Variants in ASIC2 observed in about 807,000 individuals in gnomAD.
The protein encoded by ASIC2 is acid sensing ion channel subunit 2.
Under a neutral mutation model 57.3 loss-of-function variants are expected in ASIC2, and 25 were observed. That is an observed-to-expected ratio of 0.44 (90% CI 0.32 to 0.61). The LOEUF is 0.61. Ranked by LOEUF, ASIC2 falls within the 20% of genes least tolerant of loss-of-function variation. The probability of loss-of-function intolerance (pLI) is 0.06; values close to 1 mark genes in which losing one functional copy is unlikely to be tolerated. For synonymous variants in ASIC2, 319 were observed against 307.5 expected (o/e 1.04, Z -0.39); for missense variants, 641 against 738.1 (o/e 0.87, Z 1.52).
intron 1 of ASIC2, among the ~76,000 whole-genome samples, chr17:33,705,964 T>G (rs989957): frequency 2.0e-5 from 3 of 151,830 alleles, no homozygotes; most frequent in Non-Finnish European, 1.5e-5. Flanking sequence ...GAAATTTTCT[T>G]GATATTTCCT....
In ASIC2 at chr17:33,199,419, G is replaced by A. The variant is rs1443049262; in HGVS notation, c.709-87352C>T. On this transcript the variant is annotated intron_variant, in intron 1 of 9. Transcript: ENST00000225823. ...CCTAGGAAATGCTTCATTAGGGGAG[G>A]TAACCACAGAGCAGGGTTCAAATCC... Among the ~76,000 whole-genome samples, 3 of 152,292 alleles carry A rather than the reference G, an allele frequency of 2.0e-5. No homozygotes were observed. In the East Asian group the frequency reaches 5.8e-4, roughly 29 times the overall value.
rs569066972 is a variant in ASIC2 at position 33,537,811 on chromosome 17, C to T, written c.556-425744G>A. On this transcript the variant is annotated intron_variant, in intron 1 of 9. Coordinates refer to the ASIC2 transcript ENST00000359872. The stretch of plus-strand genomic sequence containing the variant: ...ATAGGGTACCTGGAGGGAGAGTGTA[C>T]GCCGAGCCTCAGGTCAGTATCTGTC... Among the ~76,000 whole-genome samples, 33 of 152,198 alleles carry T rather than the reference C, an allele frequency of 2.2e-4. No homozygotes were observed. In the South Asian group the frequency reaches 6.4e-3, roughly 30 times the overall value.
intron 1 of ASIC2, chr17:33,828,595 T>C (rs898373480): frequency 1.3e-5 from 2 of 152,158 alleles, no homozygotes; most frequent in African/African-American, 2.4e-5. Context: ...TGATGGCTCT[T>C]GGAATGGGAT....
chr17:34,103,770 T>C (rs867955489), intron 1 of ASIC2, among the ~76,000 whole-genome samples: 32 of 152,174 alleles, frequency 2.1e-4, no homozygotes, highest in African/African-American at 7.2e-4. Context: ...ACCATAAACA[T>C]GTGTATCTAT....
At chr17:33,861,531 T>A (rs933295334) in intron 1 of ASIC2, among the ~76,000 whole-genome samples, 26 of 152,184 alleles carry the variant, frequency 1.7e-4, no homozygotes, top group African/African-American at 6.3e-4. Context: ...ATTTCATTTG[T>A]GTTAGAAGTA....
Position 33,039,787 on chromosome 17 carries a change from G to C in ASIC2, c.988-11395C>G, listed in dbSNP as rs528521443. Among the ~76,000 whole-genome samples the C allele has an allele frequency of 2.3e-4, 35 of 152,222 alleles. No homozygotes were observed. In the South Asian group the frequency reaches 7.1e-3, roughly 31 times the overall value. The stretch of plus-strand genomic sequence containing the variant: ...AAGCAAAACCTTCCACTGGAAGAGA[G>C]GATTCTACTCCTCCTTCACCTGCCT... On this transcript the variant is annotated intron_variant, in intron 3 of 9. Transcript: ENST00000225823.
At chr17:33,334,361 C>T (rs1907431188) in intron 1 of ASIC2, among the ~76,000 whole-genome samples, 1 of 152,184 alleles carries the variant, frequency 6.6e-6, no homozygotes, top group African/African-American at 2.4e-5. Context: ...TCAGGTCTGC[C>T]TGGATCCAGA....
At chr17:33,153,420 T>A (rs1413897180) in intron 1 of ASIC2, among the ~76,000 whole-genome samples, 1 of 152,214 alleles carries the variant, frequency 6.6e-6, no homozygotes, top group African/African-American at 2.4e-5. Context: ...ACTCAAGAGT[T>A]ACATGAGGAA....
At position 33,100,977 on chromosome 17, in the gene ASIC2, G is replaced by T. The variant is rs114568039; in HGVS notation, c.859+10940C>A. Among the ~76,000 whole-genome samples the T allele has an allele frequency of 1.2e-3, 185 of 152,358 alleles. 2 individuals are homozygous for T. The highest frequency in any genetic ancestry group is 4.1e-3 in the African/African-American group (170 of 41,596). ...TAAATGGATACCTGCCTCCAGTGGT[G>T]TTTCTGATTTATGGCATCATTTCTT... On this transcript the variant is annotated intron_variant, in intron 2 of 9. Coordinates refer to ENST00000225823, the MANE Select transcript of ASIC2 (RefSeq NM_183377.2).
chr17:33,061,917 C>A (rs1026773085), intron 3 of ASIC2, among the ~76,000 whole-genome samples: 40 of 152,170 alleles, frequency 2.6e-4, no homozygotes, highest in African/African-American at 9.7e-4. Flanking sequence ...GGAATTTATC[C>A]ATTTCTTCTA....
intron 3 of ASIC2, among the ~76,000 whole-genome samples, chr17:33,051,451 G>A (rs1028911991): frequency 3.3e-5 from 5 of 152,254 alleles, no homozygotes; most frequent in Admixed American, 6.5e-5. Flanking sequence ...AATATTCACA[G>A]CCCTGTGAAT....
At chr17:33,038,373 T>C (rs2091917470) in intron 3 of ASIC2, among the ~76,000 whole-genome samples, 1 of 152,226 alleles carries the variant, frequency 6.6e-6, no homozygotes, top group Non-Finnish European at 1.5e-5. Flanking sequence ...CTTGTGATAA[T>C]GACTCCTGCC....
chr17:33,067,754 T>C (rs1190818395), intron 3 of ASIC2, among the ~76,000 whole-genome samples: 4 of 152,120 alleles, frequency 2.6e-5, no homozygotes, highest in Non-Finnish European at 5.9e-5. Context: ...ACAGCAACTT[T>C]GCAAAGTTAA....
intron 1 of ASIC2, among the ~76,000 whole-genome samples, chr17:33,844,094 TG>T (rs1327987342): frequency 6.8e-6 from 1 of 147,552 alleles, no homozygotes; most frequent in Admixed American, 6.8e-5. Context: ...CAATAAGCTC[TG>T]GTGTATATGT....
At chr17:34,006,464 T>C (rs1364850377) in intron 1 of ASIC2, 2 of 152,198 alleles carry the variant, frequency 1.3e-5, no homozygotes, top group African/African-American at 2.4e-5. Flanking sequence ...GGAAGTGACA[T>C]GACTGAATTT....
At chr17:33,719,899 A>T (rs185289672) in intron 1 of ASIC2, among the ~76,000 whole-genome samples, 1 of 152,300 alleles carries the variant, frequency 6.6e-6, no homozygotes, top group Non-Finnish European at 1.5e-5. Context: ...ATTTTTTTAG[A>T]AACAAGAGTG....
chr17:33,400,852 AG>A (rs1387453226), intron 1 of ASIC2, among the ~76,000 whole-genome samples: 1 of 151,996 alleles, frequency 6.6e-6, no homozygotes, highest in African/African-American at 2.4e-5. Flanking sequence ...TATTACAAAC[AG>A]GCATCTCTGT....
chr17:33,807,094 C>G (rs1185758039), intron 1 of ASIC2, among the ~76,000 whole-genome samples: 2 of 152,178 alleles, frequency 1.3e-5, no homozygotes, highest in African/African-American at 4.8e-5. Context: ...GCATCTTCCC[C>G]TACACTCCAG....
chr17:33,184,814 A>G (rs540708791), intron 1 of ASIC2, among the ~76,000 whole-genome samples: 105 of 152,324 alleles, frequency 6.9e-4, no homozygotes, highest in African/African-American at 2.5e-3. Flanking sequence ...GCAGTAAAAG[A>G]CAGTCCTATA....
Sources: allele counts gnomAD v4.1 joint callset (sites outside exome capture counted in the v4.1 genomes callset), GRCh38; gene constraint gnomAD v4.1.1; transcripts MANE v1.5; gene names NCBI Gene and HGNC (gene_info 2026-07-23, HGNC 2026-07-21).